The following SOX5 variants were observed in gnomAD, a reference collection of about 807,000 sequenced individuals.
The protein encoded by SOX5 is SRY-box transcription factor 5.
In SOX5, 9 loss-of-function variants were observed where a neutral mutation model predicts 92.0. That is an observed-to-expected ratio of 0.10 (90% CI 0.06 to 0.17). The LOEUF is 0.17. Among genes scored for constraint, SOX5 ranks in the 10% least tolerant of loss-of-function variants. SOX5 has a pLI of 1.00. For synonymous variants in SOX5, 344 were observed against 336.3 expected, an observed-to-expected ratio of 1.02 and a Z score of -0.25; for missense variants, 642 against 944.5, an observed-to-expected ratio of 0.68 and a Z score of 4.20.
At chr12:23,611,917 T>C (rs1367603317) in intron 8 of SOX5, among the ~76,000 whole-genome samples, 1 of 148,974 alleles carries the variant, frequency 6.7e-6, no homozygotes, top group Non-Finnish European at 1.5e-5. Context: ...CAAAAGGCAT[T>C]TTAAATTAAA....
At chr12:23,905,945 A>T (rs140950476) in intron 1 of SOX5, among the ~76,000 whole-genome samples, 2 of 152,288 alleles carry the variant, frequency 1.3e-5, no homozygotes, top group East Asian at 3.9e-4. Context: ...CTGAGATAAA[A>T]CATTTGGTCA....
chr12:24,049,637 A>ATTTTT (rs1957362294), intron 4 of SOX5, among the ~76,000 whole-genome samples: 1 of 99,280 alleles, frequency 1.0e-5, no homozygotes, highest in Non-Finnish European at 1.8e-5. Context: ...AATCCTTCAT[A>ATTTTT]GTTTTTTTTT....
At chr12:24,232,024 A>C (rs1182500461) in intron 3 of SOX5, among the ~76,000 whole-genome samples, 1 of 152,196 alleles carries the variant, frequency 6.6e-6, no homozygotes, top group Non-Finnish European at 1.5e-5. Flanking sequence ...TTCTGAACAA[A>C]TTTGTAACTC....
chr12:24,062,198 A>G (rs1939861128), intron 4 of SOX5, among the ~76,000 whole-genome samples: 1 of 152,186 alleles, frequency 6.6e-6, no homozygotes, highest in Non-Finnish European at 1.5e-5. Flanking sequence ...CCACCTAAGC[A>G]AAGAAAAGTC....
At position 24,331,176 on chromosome 12, in the gene SOX5, G is replaced by A. The variant is rs370316920; in HGVS notation, c.-174+37387C>T. 19 of 152,208 alleles carry A rather than the reference G, an allele frequency of 1.2e-4. No individual in the cohort carries two copies. In the East Asian group the frequency reaches 3.5e-3, roughly 28 times the overall value. The allele number at this position is 152,208 out of a possible 1,614,324, so 9.4% of individuals were successfully genotyped here. ...ATTTGCCAAAGAAATTGTCCGAGCT[G>A]TTAAAAAAAAGTAGGCCAGCTGGTA... On this transcript the variant is annotated intron_variant, in intron 2 of 4. Coordinates refer to the SOX5 transcript ENST00000446891.
chr12:23,874,297 T>A (rs952015670), intron 2 of SOX5, among the ~76,000 whole-genome samples: 2 of 152,204 alleles, frequency 1.3e-5, no homozygotes, highest in African/African-American at 4.8e-5. Flanking sequence ...ATTGGCACTA[T>A]AGCTATTCAA....
At chr12:24,012,525 T>C (rs1953063704) in intron 4 of SOX5, among the ~76,000 whole-genome samples, 1 of 152,158 alleles carries the variant, frequency 6.6e-6, no homozygotes, top group South Asian at 2.1e-4. Flanking sequence ...GGAAAACATT[T>C]TGTGATCAAT....
At chr12:24,474,395 C>T (rs756057032) in intron 1 of SOX5, among the ~76,000 whole-genome samples, 43 of 152,244 alleles carry the variant, frequency 2.8e-4, no homozygotes, top group Admixed American at 7.8e-4. Flanking sequence ...GTTTGGATAA[C>T]GGTGTGGATG....
chr12:24,385,645 T>C (rs1958307084), intron 1 of SOX5, among the ~76,000 whole-genome samples: 1 of 152,034 alleles, frequency 6.6e-6, no homozygotes, highest in Non-Finnish European at 1.5e-5. Context: ...CGCTTTAAAT[T>C]TGATGTTTTA....
rs1054603002 is a variant in SOX5 at position 23,794,239 on chromosome 12, T to G, written c.482-38515A>C. 4.2e-4 allele frequency among the ~76,000 whole-genome samples: 63 copies of G among 149,748 alleles called. 1 individual carries two copies. Among genetic ancestry groups the G allele is most frequent in the African/African-American group, 1.5e-3 (60 of 40,938 alleles). ...TAGTGAACAGAAAAATAAGTATTTA[T>G]ACGCATATTTACCTAATACTTATTT... On this transcript the variant is annotated intron_variant, in intron 3 of 14. Coordinates refer to ENST00000451604, the MANE Select transcript of SOX5 (RefSeq NM_006940.6).
chr12:24,099,864 C>A (rs926774818), intron 4 of SOX5, among the ~76,000 whole-genome samples: 3 of 152,128 alleles, frequency 2.0e-5, no homozygotes, highest in African/African-American at 7.2e-5. Flanking sequence ...CATTAATTAG[C>A]TGTGAGACAA....
chr12:24,028,154 CA>C (rs1955087283), intron 4 of SOX5, among the ~76,000 whole-genome samples: 2 of 151,966 alleles, frequency 1.3e-5, no homozygotes, highest in Admixed American at 6.6e-5. Context: ...TGCCTCTGTA[CA>C]GTCAAAATGT....
intron 3 of SOX5, among the ~76,000 whole-genome samples, chr12:23,840,211 G>A (rs572181004): frequency 2.6e-5 from 4 of 151,800 alleles, no homozygotes; most frequent in African/African-American, 9.7e-5. Context: ...AAATTAAAAA[G>A]ACAATATAAT....
chr12:24,126,408 G>A (rs560258111), intron 4 of SOX5, among the ~76,000 whole-genome samples: 10 of 152,226 alleles, frequency 6.6e-5, no homozygotes, highest in South Asian at 2.1e-4. Flanking sequence ...AGGCCACCAC[G>A]AAGCACCCTG....
chr12:23,536,025 C>T (rs1940348378), intron 14 of SOX5, among the ~76,000 whole-genome samples: 1 of 152,166 alleles, frequency 6.6e-6, no homozygotes. Flanking sequence ...ACCTTGATAG[C>T]TCACTAACCT....
chr12:23,694,962 T>A (rs1307217114), intron 6 of SOX5, among the ~76,000 whole-genome samples: 1 of 151,858 alleles, frequency 6.6e-6, no homozygotes, highest in African/African-American at 2.4e-5. Context: ...CTACAAAAAA[T>A]TTTAAAAATT....
intron 4 of SOX5, among the ~76,000 whole-genome samples, chr12:24,186,766 T>C (rs7969854): frequency 0.45 from 68,117 of 151,942 alleles, 15,848 homozygotes; most frequent in Non-Finnish European, 0.52. Flanking sequence ...CTTACACAAA[T>C]TTACCTTTTT....
intron 4 of SOX5, among the ~76,000 whole-genome samples, chr12:24,019,471 C>T (rs1022175925): frequency 6.6e-6 from 1 of 152,164 alleles, no homozygotes; most frequent in Non-Finnish European, 1.5e-5. Flanking sequence ...CATAGGGATC[C>T]ACTGGCCCAT....
chr12:23,950,787 G>A, upstream of SOX5: 2 of 1,285,814 alleles, frequency 1.6e-6, no homozygotes, highest in Non-Finnish European at 2.2e-6. Flanking sequence ...ATAAAAATCT[G>A]GCAGCCGAGA....
Sources: allele counts gnomAD v4.1 joint callset (sites outside exome capture counted in the v4.1 genomes callset), GRCh38; gene constraint gnomAD v4.1.1; transcripts MANE v1.5; gene names NCBI Gene and HGNC (gene_info 2026-07-23, HGNC 2026-07-21).